The following LCLAT1 variants were observed in gnomAD, a reference collection of about 807,000 sequenced individuals.
LCLAT1 encodes 1-AGP acyltransferase 8.
LCLAT1 carries 11 observed loss-of-function variants against 30.7 expected under a neutral mutation model. The observed-to-expected ratio is 0.36, with a 90% CI of 0.23 to 0.59. LCLAT1 has a LOEUF of 0.59. Ranked by LOEUF, LCLAT1 falls within the 20% of genes least tolerant of loss-of-function variation. The pLI is 0.77. For missense variants in LCLAT1, 402 were observed against 458.6 expected, an observed-to-expected ratio of 0.88 and a Z score of 1.13; for synonymous variants, 155 against 151.3, an observed-to-expected ratio of 1.02 and a Z score of -0.18.
intron 5 of LCLAT1, among the ~76,000 whole-genome samples, chr2:30,603,624 A>G (rs1248876718): frequency 6.6e-6 from 1 of 152,180 alleles, no homozygotes; most frequent in Admixed American, 6.6e-5. Flanking sequence ...ATTGTAACAA[A>G]AGAGTAAACT....
intron 1 of LCLAT1, among the ~76,000 whole-genome samples, chr2:30,493,325 A>G (rs540059838): frequency 2.6e-5 from 4 of 152,232 alleles, no homozygotes; most frequent in Non-Finnish European, 5.9e-5. Flanking sequence ...TGATATATCA[A>G]TATAACTTAG....
intron 1 of LCLAT1, among the ~76,000 whole-genome samples, chr2:30,471,842 AT>A (rs1184517285): frequency 7.9e-5 from 12 of 152,052 alleles, no homozygotes; most frequent in Non-Finnish European, 1.5e-4. Context: ...TCTGATTTGG[AT>A]GAATTTTATT....
At chr2:30,558,104 C>T (rs1029417019) in intron 3 of LCLAT1, among the ~76,000 whole-genome samples, 9 of 151,960 alleles carry the variant, frequency 5.9e-5, no homozygotes, top group Non-Finnish European at 1.0e-4. Flanking sequence ...ATTCCTTAAG[C>T]GGGACACAGA....
chr2:30,636,529 C>T (rs1669031574), intron 5 of LCLAT1, among the ~76,000 whole-genome samples: 2 of 152,026 alleles, frequency 1.3e-5, no homozygotes. Context: ...AGCCAGGATC[C>T]CAGGCAGTCT....
chr2:30,537,884 G>C (rs1296595942), intron 3 of LCLAT1, among the ~76,000 whole-genome samples: 2 of 152,116 alleles, frequency 1.3e-5, no homozygotes, highest in Non-Finnish European at 2.9e-5. Context: ...TAAGTATCCT[G>C]TCAAACCACA....
intron 5 of LCLAT1, among the ~76,000 whole-genome samples, chr2:30,616,657 A>G (rs1434785313): frequency 6.6e-6 from 1 of 152,182 alleles, no homozygotes; most frequent in Non-Finnish European, 1.5e-5. Context: ...AAGGAAATTA[A>G]CGTCCTAGAA....
At chr2:30,459,630 G>A (rs759541492) in intron 1 of LCLAT1, 19 of 1,613,538 alleles carry the variant, frequency 1.2e-5, no homozygotes, top group Non-Finnish European at 8.5e-7. Flanking sequence ...CCAGGGGAAG[G>A]GAAATTGTGG....
intron 4 of LCLAT1, among the ~76,000 whole-genome samples, chr2:30,563,151 A>G (rs1349492002): frequency 6.6e-6 from 1 of 151,726 alleles, no homozygotes; most frequent in Non-Finnish European, 1.5e-5. Flanking sequence ...TCAAGCTTAT[A>G]GTGTCTGGGA....
chr2:30,577,797 TTCTTCTTCTTCTTTG>T (rs1666058869), intron 5 of LCLAT1, among the ~76,000 whole-genome samples: 1 of 152,106 alleles, frequency 6.6e-6, no homozygotes, highest in Admixed American at 6.6e-5. Flanking sequence ...ATTCTTCTTC[TTCTTCTTCTTCTTTG>T]TCTTTGACCA....
chr2:30,475,841 G>A (rs1683017304), intron 1 of LCLAT1, among the ~76,000 whole-genome samples: 1 of 152,146 alleles, frequency 6.6e-6, no homozygotes, highest in Admixed American at 6.5e-5. Context: ...CTAATAATTA[G>A]AACTATTCCT....
intron 1 of LCLAT1, among the ~76,000 whole-genome samples, chr2:30,504,903 CA>C (rs1380133492): frequency 2.0e-5 from 3 of 152,110 alleles, no homozygotes; most frequent in African/African-American, 4.8e-5. Flanking sequence ...TTATATAAAC[CA>C]TATGGCATTA....
chr2:30,636,158 G>GA (rs1669013543), intron 5 of LCLAT1, among the ~76,000 whole-genome samples: 2 of 152,112 alleles, frequency 1.3e-5, no homozygotes, highest in East Asian at 1.9e-4. Flanking sequence ...AATACGTCAG[G>GA]AAAAAAGGCT....
At chr2:30,475,971 T>C (rs186811737) in intron 1 of LCLAT1, among the ~76,000 whole-genome samples, 108 of 152,348 alleles carry the variant, frequency 7.1e-4, no homozygotes, top group African/African-American at 2.5e-3. Flanking sequence ...TCTAAAGTCT[T>C]CTTCAGCTTC....
intron 1 of LCLAT1, among the ~76,000 whole-genome samples, chr2:30,479,483 G>A (rs750614563): frequency 2.6e-5 from 4 of 152,170 alleles, no homozygotes; most frequent in Non-Finnish European, 5.9e-5. Context: ...CTGGACTCAA[G>A]CAGTCCCTCT....
chr2:30,627,764 T>C (rs1390649949), intron 5 of LCLAT1, among the ~76,000 whole-genome samples: 1 of 152,202 alleles, frequency 6.6e-6, no homozygotes, highest in African/African-American at 2.4e-5. Flanking sequence ...AAAAACATTC[T>C]ACTCTTAGAT....
chr2:30,589,958 TC>T (rs1337667088), intron 5 of LCLAT1, among the ~76,000 whole-genome samples: 4 of 152,052 alleles, frequency 2.6e-5, no homozygotes, highest in Admixed American at 6.5e-5. Context: ...AAGTTTTTCT[TC>T]CTTCTGTATG....
At chr2:30,456,841 G>A (rs1384332744) in intron 1 of LCLAT1, among the ~76,000 whole-genome samples, 1 of 152,098 alleles carries the variant, frequency 6.6e-6, no homozygotes, top group African/African-American at 2.4e-5. Context: ...ATTTTTGGTT[G>A]TACTTAGCTA....
chr2:30,580,166 T>G (rs1666152969), intron 5 of LCLAT1, among the ~76,000 whole-genome samples: 1 of 152,182 alleles, frequency 6.6e-6, no homozygotes, highest in Non-Finnish European at 1.5e-5. Flanking sequence ...GTCTGTGTCT[T>G]TACTAATGGT....
chr2:30,611,722 A>G (rs1667747824), intron 5 of LCLAT1, among the ~76,000 whole-genome samples: 1 of 152,148 alleles, frequency 6.6e-6, no homozygotes, highest in South Asian at 2.1e-4. Context: ...ATAGCAGCAA[A>G]GAAGAGCTTA....
Sources: allele counts gnomAD v4.1 joint callset (sites outside exome capture counted in the v4.1 genomes callset), GRCh38; gene constraint gnomAD v4.1.1; transcripts MANE v1.5; gene names NCBI Gene and HGNC (gene_info 2026-07-23, HGNC 2026-07-21).